ISYNA1: variants seen among roughly 807,000 people sequenced by gnomAD.
ISYNA1 encodes MI-1-P synthase.
ISYNA1 carries 34 observed loss-of-function variants against 50.3 expected under a neutral mutation model. That is an observed-to-expected ratio of 0.68 (90% CI 0.51 to 0.90). ISYNA1 has a LOEUF of 0.90. Ranked by LOEUF, ISYNA1 falls within the 40% of genes least tolerant of loss-of-function variation. The pLI, the probability that ISYNA1 is intolerant of heterozygous loss-of-function variation, is 0.00. For synonymous variants in ISYNA1, 396 were observed against 349.9 expected, an observed-to-expected ratio of 1.13 and a Z score of -1.47; for missense variants, 718 against 784.8, an observed-to-expected ratio of 0.91 and a Z score of 1.02.
chr19:18,436,619 A>C (rs760569282), intron 5 of ISYNA1, 65 bp downstream of exon 5: 1 of 1,599,214 alleles, frequency 6.3e-7, no homozygotes, highest in South Asian at 1.1e-5. Flanking sequence ...GGGTGGGGCA[A>C]AAAGAGGGAA....
In ISYNA1 at chr19:18,434,849, C is replaced by T; in HGVS notation, c.*64G>A. ...GTGGCAGCGCCTTTATTTGTGGGGG[C>T]CTTCAAGGTAGGGTCGTGGGGGGCA... On this transcript the variant is annotated 3_prime_UTR_variant, in exon 11 of 11. Transcript: ENST00000338128. The T allele has an allele frequency of 2.9e-6, 4 of 1,375,140 alleles. No homozygotes were observed. In the Admixed American group the frequency reaches 5.2e-5, roughly 18 times the overall value. The allele number at this position is 1,375,140 out of a possible 1,614,324, so 85.2% of individuals were successfully genotyped here.
chr19:18,437,522 C>A (rs1231048674), intron 3 of ISYNA1, 77 bp downstream of exon 3: 6 of 1,020,284 alleles, frequency 5.9e-6, no homozygotes, highest in South Asian at 3.7e-5. Context: ...CAGAGCCCCG[C>A]CCCCTGCAGG....
chr19:18,437,596 C>G lies in ISYNA1; in HGVS notation c.282+3G>C, dbSNP rs1228482559. The G allele has an allele frequency of 2.0e-6, 3 of 1,471,094 alleles. No homozygotes were observed. Among genetic ancestry groups the G allele is most frequent in the African/African-American group, 1.4e-5 (1 of 69,704 alleles). 91.1% of individuals were successfully genotyped at this position (1,471,094 alleles called of 1,614,324 possible). A position where few individuals can be genotyped will look rare whatever the true frequency, so the allele number is the denominator to read the frequency against. On this transcript the variant is annotated splice_donor_region_variant and intron_variant, in intron 3 of 10. Transcript: ENST00000338128. The stretch of plus-strand genomic sequence containing the variant: ...CTACCCACCACGCCCCTCCCGCCCC[C>G]ACCTTGCGGCCGCTGCGCGTGGGCC...
rs1456175065 is a variant in ISYNA1 at position 18,434,696 on chromosome 19, C to T, written c.*217G>A. 1.7e-6 allele frequency: 1 copy of T among 592,592 alleles called. No homozygotes were observed. Among genetic ancestry groups the T allele is most frequent in the Non-Finnish European group, 3.0e-6 (1 of 333,922 alleles). 36.7% of individuals were successfully genotyped at this position (592,592 alleles called of 1,614,324 possible). On this transcript the variant is annotated 3_prime_UTR_variant, in exon 11 of 11. Transcript: ENST00000338128. ...CGAGGCTCCAGGTTCTGGGCTCTCC[C>T]TGGGAGTTGGGGTGATGACCATGGG...
At position 18,435,769 on chromosome 19, in the gene ISYNA1, C is replaced by A; in HGVS notation, c.1128G>T (p.Glu376Asp). 1 of 1,613,258 alleles carries A rather than the reference C, an allele frequency of 6.2e-7. No individual in the cohort carries two copies. Among genetic ancestry groups the A allele is most frequent in the Middle Eastern group, 1.6e-4 (1 of 6,062 alleles). The part of the protein sequence containing the change: ...SNPVLYTPGE[E>D]PDHCVVIKYV... ...GCGCCCCACGCACGCAGTGGTCAGGCTCTTCGCCGGGCGTATAGAGCACTG... is the reference window on the plus strand; with the variant it reads ...GCGCCCCACGCACGCAGTGGTCAGGATCTTCGCCGGGCGTATAGAGCACTG... Residue 376 changes from glutamate to aspartate, a missense_variant, in exon 8 of 11, where the codon GAG becomes GAT. By Grantham distance (45) the Glu-to-Asp change is conservative. Coordinates refer to ENST00000338128, the MANE Select transcript of ISYNA1 (RefSeq NM_016368.5).
chr19:18,434,388 G>A lies in ISYNA1; in HGVS notation c.*525C>T, dbSNP rs371236266. On this transcript the variant is annotated 3_prime_UTR_variant, in exon 11 of 11. Coordinates refer to ENST00000338128, the MANE Select transcript of ISYNA1 (RefSeq NM_016368.5). ...CCCAGCTGGGAGGCCCCACACGAAA[G>A]ACTCTTACCATTTTATTAAAAACGC... 1 of 1,399,716 alleles carries A rather than the reference G, an allele frequency of 7.1e-7. No homozygotes were observed. The highest frequency in any genetic ancestry group is 1.5e-5 in the South Asian group (1 of 66,284). The allele number at this position is 1,399,716 out of a possible 1,614,324, so 86.7% of individuals were successfully genotyped here.
chr19:18,434,802 C>T lies in ISYNA1; in HGVS notation c.*111G>A. 2.2e-6 allele frequency: 2 copies of T among 919,430 alleles called. No homozygotes were observed. The highest frequency in any genetic ancestry group is 2.9e-5 in the South Asian group (2 of 67,998). 57.0% of individuals were successfully genotyped at this position (919,430 alleles called of 1,614,324 possible). ...AGAGTCAGGTCACAGGCCCCAAGAACCCCAGGTGGAAGGAGGGCTGAGTGG... is the reference window on the plus strand; with the variant it reads ...AGAGTCAGGTCACAGGCCCCAAGAATCCCAGGTGGAAGGAGGGCTGAGTGG... On this transcript the variant is annotated 3_prime_UTR_variant, in exon 11 of 11. Coordinates refer to ENST00000338128, the MANE Select transcript of ISYNA1 (RefSeq NM_016368.5).
chr19:18,435,399 C>G lies in ISYNA1; in HGVS notation c.1339G>C (p.Asp447His), dbSNP rs1359995747. The change falls in exon 10 of 11, where the codon GAC becomes CAC. Residue 447 changes from aspartate (D) to histidine (H), a missense_variant. Asp to His is a moderately conservative substitution (Grantham distance 81). Around this residue, in one of 3 missense-constraint regions of ISYNA1, gnomAD observed 305 missense variants for 292.6 expected, o/e 1.04. Transcript: ENST00000338128. ...CQRVSFCTDMDPEPQTFHPVL... is the reference protein window; with the variant it reads ...CQRVSFCTDMHPEPQTFHPVL... The stretch of plus-strand genomic sequence containing the variant: ...GGGTGGAAGGTCTGCGGCTCGGGGT[C>G]CATGTCAGTGCAGAAGCTCACGCGC... The G allele has an allele frequency of 1.2e-6, 2 of 1,611,376 alleles. No individual in the cohort carries two copies. Among genetic ancestry groups the G allele is most frequent in the East Asian group, 2.2e-5 (1 of 44,868 alleles).
At position 18,437,653 on chromosome 19, in the gene ISYNA1, G is replaced by T. The variant is rs1166766802; in HGVS notation, c.228C>A (p.Ala76=). 6.5e-7 allele frequency: 1 copy of T among 1,538,540 alleles called. No individual in the cohort carries two copies. Among genetic ancestry groups the T allele is most frequent in the East Asian group, 2.4e-5 (1 of 40,842 alleles). The part of the protein sequence containing the change: ...WGGNNGSTLT[A]AVLANRLRLS... The stretch of plus-strand genomic sequence containing the variant: ...AACGCAGTCGATTGGCCAGCACCGC[G>T]GCGGTGAGTGTGGAGCCGTTGTTCC... The change falls in exon 3 of 11, where the codon GCC becomes GCA. Residue 76 remains alanine, a synonymous_variant. Transcript: ENST00000338128.
intron 3 of ISYNA1, 99 bp from the exon 4 acceptor site, chr19:18,437,204 T>G: frequency 6.9e-7 from 1 of 1,458,976 alleles, no homozygotes; most frequent in Non-Finnish European, 9.0e-7. Context: ...CGCCCCACTT[T>G]CGGGCATTTT....
chr19:18,435,599 G>A lies in ISYNA1; in HGVS notation c.1218C>T (p.Gly406=), dbSNP rs373630499. The A allele has an allele frequency of 3.7e-6, 6 of 1,609,734 alleles. No individual in the cohort carries two copies. In the Admixed American group the frequency reaches 5.0e-5, roughly 14 times the overall value. The change falls in exon 9 of 11, where the codon GGC becomes GGT. Residue 406 remains glycine (G), a synonymous_variant. Transcript: ENST00000338128. Reference sequence around the variant, plus strand: ...TGTGCAGCACCAGTGTGTTGGTTCCGCCCAGCATCAGCTCCGAGGTATACT... The same window carrying A: ...TGTGCAGCACCAGTGTGTTGGTTCCACCCAGCATCAGCTCCGAGGTATACT... ...LDEYTSELML[G]GTNTLVLHNT...
Position 18,435,586 on chromosome 19 carries a change from G to A in ISYNA1, c.1231C>T (p.Leu411=), listed in dbSNP as rs1479488159. The change falls in exon 9 of 11, where the codon CTG becomes TTG. Residue 411 remains leucine (L), a synonymous_variant. Transcript: ENST00000338128. ...SELMLGGTNT[L]VLHNTCEDSL... ...ACCTCACACGTGTTGTGCAGCACCA[G>A]TGTGTTGGTTCCGCCCAGCATCAGC... 1.9e-6 allele frequency: 3 copies of A among 1,608,976 alleles called. No individual in the cohort carries two copies. In the African/African-American group the frequency reaches 4.0e-5, roughly 22 times the overall value.
rs775455914 is a variant in ISYNA1 at position 18,437,787 on chromosome 19, C to T, written c.121-27G>A. ...TGAAGACAGGCCGCGCAGTGAATCC[C>T]GGGTCCCGTGCCCTTCTCCCCGAGC... On this transcript the variant is annotated intron_variant, in intron 2 of 10. Transcript: ENST00000338128. 1.9e-6 allele frequency: 3 copies of T among 1,597,744 alleles called. No homozygotes were observed. In the South Asian group the frequency reaches 3.4e-5, roughly 18 times the overall value.
In ISYNA1 at chr19:18,436,052, G is replaced by C; in HGVS notation, c.955C>G (p.Leu319Val). The C allele has an allele frequency of 6.2e-7, 1 of 1,613,406 alleles. No homozygotes were observed. The highest frequency in any genetic ancestry group is 8.5e-7 in the Non-Finnish European group (1 of 1,179,970). Residue 319 changes from leucine to valine, a missense_variant, in exon 7 of 11, where the codon CTC (leucine) becomes GTC (valine). Physicochemically the swap from Leu to Val is conservative, Grantham distance 32. This residue lies in a region of ISYNA1 where 403 missense variants were observed against 466.6 expected (regional missense o/e 0.86). Coordinates refer to ENST00000338128, the MANE Select transcript of ISYNA1 (RefSeq NM_016368.5). The stretch of plus-strand genomic sequence containing the variant: ...CGCACCTTGAGGCCGGAGCCAATGA[G>C]GAAGTCCACAAGCACGGACTTGACT... The part of the protein sequence containing the change: ...TKVKSVLVDF[L>V]IGSGLKTMSI...
Position 18,435,371 on chromosome 19 carries a change from A to G in ISYNA1, c.1367T>C (p.Val456Ala). The G allele has an allele frequency of 1.2e-6, 2 of 1,611,390 alleles. No individual in the cohort carries two copies. Among genetic ancestry groups the G allele is most frequent in the Non-Finnish European group, 1.7e-6 (2 of 1,179,978 alleles). Residue 456 changes from valine (V) to alanine (A), a missense_variant, in exon 10 of 11, where the codon GTG (valine) becomes GCG (alanine). Transcript: ENST00000338128. Reference protein sequence around the residue: ...MDPEPQTFHPVLSLLSFLFKA... With the variant: ...MDPEPQTFHPALSLLSFLFKA... ...GAAGAGGAAGCTGAGCAGGGACAGC[A>G]CGGGGTGGAAGGTCTGCGGCTCGGG...
In ISYNA1 at chr19:18,435,034, C is replaced by T; in HGVS notation, c.1556G>A (p.Gly519Glu). 6.2e-7 allele frequency: 1 copy of T among 1,613,572 alleles called. No individual in the cohort carries two copies. The highest frequency in any genetic ancestry group is 8.5e-7 in the Non-Finnish European group (1 of 1,180,004). ...ERPGPSLKRVGPVAATYPMLN... is the reference protein window; with the variant it reads ...ERPGPSLKRVEPVAATYPMLN... ...CATAGGGTAGGTGGCAGCCACGGGT[C>T]CAACTCGCTTGAGGCTGGGCCCTGG... The change falls in exon 11 of 11, where the codon GGA (glycine) becomes GAA (glutamate). Residue 519 changes from glycine (G) to glutamate (E), a missense_variant. This residue lies in a region of ISYNA1 where 305 missense variants were observed against 292.6 expected (regional missense o/e 1.04). Transcript: ENST00000338128.
intron 10 of ISYNA1, 53 bp from the exon 11 acceptor site, chr19:18,435,170 G>T (rs1973915369): frequency 6.2e-7 from 1 of 1,600,874 alleles, no homozygotes; most frequent in South Asian, 1.1e-5. Flanking sequence ...GAGAAAGGGG[G>T]GGTATCCCTG....
In ISYNA1 at chr19:18,434,411, C is replaced by G. The variant is rs1973842789; in HGVS notation, c.*502G>C. ...AAGACTCTTACCATTTTATTAAAAA[C>G]GCAAGGACCTCAGAGACGTTCTTTT... On this transcript the variant is annotated 3_prime_UTR_variant, in exon 11 of 11. Coordinates refer to ENST00000338128, the MANE Select transcript of ISYNA1 (RefSeq NM_016368.5). 7.9e-7 allele frequency: 1 copy of G among 1,273,190 alleles called. No individual in the cohort carries two copies. Among genetic ancestry groups the G allele is most frequent in the Non-Finnish European group, 1.0e-6 (1 of 967,340 alleles). 78.9% of individuals were successfully genotyped at this position (1,273,190 alleles called of 1,614,324 possible).
chr19:18,435,442 C>A lies in ISYNA1; in HGVS notation c.1296G>T (p.Leu432=). ...TCACGCGCTGGCACAGCTCGGTCAG[C>A]AGCGCTAGGTCCAGCATGATGGGTG... The part of the protein sequence containing the change: ...LAAPIMLDLA[L]LTELCQRVSF... The change falls in exon 10 of 11, where the codon CTG becomes CTT. Residue 432 remains leucine, a synonymous_variant. Coordinates refer to ENST00000338128, the MANE Select transcript of ISYNA1 (RefSeq NM_016368.5). The A allele has an allele frequency of 6.2e-7, 1 of 1,609,864 alleles. No individual in the cohort carries two copies.
Sources: gnomAD v4.1 joint callset for allele counts on GRCh38, gnomAD v4.1.1 for gene constraint, gnomAD v4.1.1 regional missense constraint, MANE v1.5 for transcripts, NCBI Gene and HGNC (gene_info 2026-07-23, HGNC 2026-07-21) for gene names.